GAK: variants seen among roughly 807,000 people sequenced by gnomAD.
The protein encoded by GAK is cyclin G associated kinase, also known as cyclin-G-associated kinase.
A neutral mutation model predicts 143.9 loss-of-function variants in GAK; 79 were observed. The ratio of observed to expected loss-of-function variants is 0.55; its 90% CI spans 0.46 to 0.66. The LOEUF (loss-of-function observed/expected upper bound fraction) is 0.66. GAK is among the 30% of genes least tolerant of loss of function. GAK has a pLI of 0.00. For synonymous variants in GAK, 881 were observed against 765.5 expected, an observed-to-expected ratio of 1.15 and a Z score of -2.49; for missense variants, 1,693 against 1,779.7, an observed-to-expected ratio of 0.95 and a Z score of 0.88.
In GAK at chr4:849,474, G is replaced by A. The variant is rs1747667635; in HGVS notation, c.*199C>T. ...TGAATCAGCTGTTCCTTCGGGAGGA[G>A]AAAAAGGAAACAACAATCAGAGGCT... On this transcript the variant is annotated 3_prime_UTR_variant, in exon 28 of 28. Coordinates refer to ENST00000314167, the MANE Select transcript of GAK (RefSeq NM_005255.4). The A allele has an allele frequency of 5.2e-6, 3 of 578,960 alleles. No individual in the cohort carries two copies. Among genetic ancestry groups the A allele is most frequent in the Non-Finnish European group, 9.3e-6 (3 of 320,950 alleles). 35.9% of individuals were successfully genotyped at this position (578,960 alleles called of 1,614,324 possible).
chr4:863,696 A>G (rs927639442), intron 23 of GAK, among the ~76,000 whole-genome samples: 4 of 152,260 alleles, frequency 2.6e-5, no homozygotes, highest in Non-Finnish European at 4.4e-5. Flanking sequence ...CAAGGTAACT[A>G]TATTTATTTT....
At chr4:875,162 C>T (rs1407937183) in intron 18 of GAK, among the ~76,000 whole-genome samples, 2 of 152,228 alleles carry the variant, frequency 1.3e-5, no homozygotes, top group Non-Finnish European at 2.9e-5. Context: ...ACATTTTCCT[C>T]TTCATCATCA....
intron 1 of GAK, among the ~76,000 whole-genome samples, chr4:926,768 G>C (rs905371487): frequency 2.6e-5 from 4 of 152,020 alleles, no homozygotes; most frequent in African/African-American, 9.7e-5. Flanking sequence ...GGCCTCACAG[G>C]CCTGATGACC....
chr4:925,232 G>A (rs977649235), intron 1 of GAK, among the ~76,000 whole-genome samples: 35 of 152,270 alleles, frequency 2.3e-4, no homozygotes, highest in East Asian at 1.9e-4. Context: ...ACCCCCAGGG[G>A]ACACTCTGAG....
chr4:903,228 G>A (rs889067854), intron 5 of GAK, among the ~76,000 whole-genome samples: 4 of 152,208 alleles, frequency 2.6e-5, no homozygotes, highest in South Asian at 2.1e-4. Flanking sequence ...GGGCAGGACG[G>A]CCCTTTTACA....
intron 1 of GAK, among the ~76,000 whole-genome samples, chr4:914,371 C>CCCCCA (rs1722641268): frequency 2.0e-5 from 2 of 102,094 alleles, no homozygotes; most frequent in Non-Finnish European, 4.0e-5. Context: ...GCACGGCCCC[C>CCCCCA]ACACACACAG....
intron 18 of GAK, among the ~76,000 whole-genome samples, chr4:871,836 G>A (rs1712702200): frequency 6.6e-6 from 1 of 152,184 alleles, no homozygotes; most frequent in Non-Finnish European, 1.5e-5. Context: ...CATTTCCTAT[G>A]ATCATCTCTG....
chr4:869,317 C>CACAT (rs1211818399), intron 19 of GAK: 1 of 119,652 alleles, frequency 8.4e-6, no homozygotes. Flanking sequence ...GCACACACAG[C>CACAT]ACACAGATGC....
intron 5 of GAK, among the ~76,000 whole-genome samples, chr4:899,029 G>A (rs1439742405): frequency 1.3e-5 from 2 of 152,098 alleles, no homozygotes; most frequent in Non-Finnish European, 2.9e-5. Context: ...GAGGCTGCAC[G>A]CGTGACAAGG....
intron 23 of GAK, 34 bp from the exon 24 acceptor site, chr4:859,756 C>T (rs1290496112): frequency 6.8e-7 from 1 of 1,461,006 alleles, no homozygotes. Context: ...AGAACAAGCA[C>T]CATCTGAAGC....
At chr4:850,733 G>A (rs993088278) in intron 26 of GAK, 2 of 318,752 alleles carry the variant, frequency 6.3e-6, no homozygotes, top group Non-Finnish European at 1.1e-5. Context: ...CCTGGCCTCA[G>A]GCCACCCTGT....
At chr4:849,825 C>CGGGGCCG in intron 27 of GAK, 51 bp from the exon 28 acceptor site, 2 of 1,229,748 alleles carry the variant, frequency 1.6e-6, no homozygotes, top group Middle Eastern at 2.4e-4. Flanking sequence ...CGGGGGCGGG[C>CGGGGCCG]GGGGCAGGAC....
At position 849,707 on chromosome 4, in the gene GAK, T is replaced by C. The variant is rs759217131; in HGVS notation, c.3902A>G (p.Glu1301Gly). ...IFMELNDAWS[E>G]FENQGSRPLF ...GGGCCGGGAGCCCTGGTTCTCAAAC[T>C]CCGACCAGGCGTCATTCAGCTCCAT... Residue 1301 changes from glutamate (E) to glycine (G), a missense_variant, in exon 28 of 28, where the codon GAG becomes GGG. Around this residue, in one of 2 missense-constraint regions of GAK, gnomAD observed 822 missense variants for 788.7 expected, o/e 1.04. Transcript: ENST00000314167. 3.0e-5 allele frequency: 49 copies of C among 1,613,160 alleles called. No individual in the cohort carries two copies. Among genetic ancestry groups the C allele is most frequent in the Non-Finnish European group, 3.8e-5 (45 of 1,179,638 alleles).
Position 890,615 on chromosome 4 carries a change from T to C in GAK, c.998A>G (p.Glu333Gly), listed in dbSNP as rs770873227. The change falls in exon 10 of 28, where the codon GAG becomes GGG. Residue 333 changes from glutamate (E) to glycine (G), a missense_variant. Around this residue, in one of 2 missense-constraint regions of GAK, gnomAD observed 871 missense variants for 991.0 expected, o/e 0.88. Coordinates refer to ENST00000314167, the MANE Select transcript of GAK (RefSeq NM_005255.4). ...NPKSPITELL[E>G]QNGGYGSATL... is the part of the protein sequence containing the mutation. ...GGCGCTCCCGTAGCCTCCATTCTGC[T>C]CCAGGAGCTGTGACAATGAAAATGC... The C allele has an allele frequency of 2.5e-6, 4 of 1,610,584 alleles. No homozygotes were observed. Among genetic ancestry groups the C allele is most frequent in the African/African-American group, 1.3e-5 (1 of 74,986 alleles).
chr4:919,280 C>CCCAT (rs1723555281), intron 1 of GAK, among the ~76,000 whole-genome samples: 1 of 147,932 alleles, frequency 6.8e-6, no homozygotes, highest in South Asian at 2.1e-4. Flanking sequence ...GCCTCAGTGC[C>CCCAT]GCATGACCTT....
intron 1 of GAK, among the ~76,000 whole-genome samples, chr4:925,419 C>A (rs1429699938): frequency 6.6e-6 from 1 of 152,208 alleles, no homozygotes; most frequent in Non-Finnish European, 1.5e-5. Context: ...TGCCGGGGGA[C>A]AGTGAGGTCA....
intron 5 of GAK, among the ~76,000 whole-genome samples, chr4:904,394 A>G (rs1258325678): frequency 2.7e-5 from 4 of 148,916 alleles, no homozygotes; most frequent in African/African-American, 5.0e-5. Flanking sequence ...GGAGGGAGCC[A>G]CTACCTTGAG....
intron 5 of GAK, among the ~76,000 whole-genome samples, chr4:902,612 A>AAAAAAAAAAAAAAAAAAAC (rs1560401696): frequency 1.4e-5 from 2 of 143,936 alleles, no homozygotes; most frequent in African/African-American, 5.2e-5. Flanking sequence ...AAAAAAAAAA[A>AAAAAAAAAAAAAAAAAAAC]AACCCCAAAA....
intron 23 of GAK, 127 bp downstream of exon 23, chr4:864,995 A>G: frequency 2.3e-6 from 3 of 1,307,908 alleles, no homozygotes; most frequent in Non-Finnish European, 3.1e-6. Context: ...CCGCACCACC[A>G]AGCACGCCCC....
Sources: allele counts gnomAD v4.1 joint callset (sites outside exome capture counted in the v4.1 genomes callset), GRCh38; gene constraint gnomAD v4.1.1; regional missense constraint gnomAD v4.1.1; transcripts MANE v1.5; gene names NCBI Gene and HGNC (gene_info 2026-07-23, HGNC 2026-07-21).